The following RUNX2 variants were observed in gnomAD, a reference collection of about 807,000 sequenced individuals.
RUNX2 encodes the protein RUNX family transcription factor 2.
Under a neutral mutation model 51.7 loss-of-function variants are expected in RUNX2, and 10 were observed. That is an observed-to-expected ratio of 0.19 (90% CI 0.12 to 0.33). The LOEUF is 0.33. RUNX2 is among the 10% of genes least tolerant of loss of function. RUNX2 has a pLI of 1.00. For synonymous variants in RUNX2, 276 were observed against 273.6 expected, an observed-to-expected ratio of 1.01 and a Z score of -0.09; for missense variants, 562 against 691.3, an observed-to-expected ratio of 0.81 and a Z score of 2.10.
chr6:45,445,270 C>G (rs563913576), intron 5 of RUNX2, among the ~76,000 whole-genome samples: 1 of 152,092 alleles, frequency 6.6e-6, no homozygotes, highest in Non-Finnish European at 1.5e-5. Context: ...GTGATTCACC[C>G]GCCTCAGCTT....
At chr6:45,468,804 C>A (rs938120877) in intron 5 of RUNX2, among the ~76,000 whole-genome samples, 4 of 152,080 alleles carry the variant, frequency 2.6e-5, no homozygotes, top group Non-Finnish European at 5.9e-5. Flanking sequence ...GCATCATTAG[C>A]CTATGCCCAC....
rs1355737758 is a variant in RUNX2 at position 45,328,331 on chromosome 6, T to C, written c.-196T>C. 3 of 1,375,080 alleles carry C rather than the reference T, an allele frequency of 2.2e-6. No individual in the cohort carries two copies. The highest frequency in any genetic ancestry group is 2.9e-6 in the Non-Finnish European group (3 of 1,027,364). 85.2% of individuals were successfully genotyped at this position (1,375,080 alleles called of 1,614,324 possible). ...TTTTTTGGATTGTGTGAATGCTTCA[T>C]TCGCCTCACAAACAACCACAGAACC... On this transcript the variant is annotated 5_prime_UTR_variant, in exon 1 of 9. Coordinates refer to ENST00000647337, the MANE Select transcript of RUNX2 (RefSeq NM_001024630.4).
chr6:45,459,792 G>A (rs990987759), intron 5 of RUNX2, among the ~76,000 whole-genome samples: 2 of 152,224 alleles, frequency 1.3e-5, no homozygotes, highest in South Asian at 4.1e-4. Flanking sequence ...AGGGGACAGA[G>A]GGAGGGAGGT....
At chr6:45,485,072 C>CT (rs2150402471) in intron 5 of RUNX2, among the ~76,000 whole-genome samples, 1 of 152,246 alleles carries the variant, frequency 6.6e-6, no homozygotes, top group East Asian at 1.9e-4. Context: ...TAGCTCATGT[C>CT]TCCCCAGTTA....
chr6:45,434,315 C>A (rs1314775049), intron 4 of RUNX2, among the ~76,000 whole-genome samples: 1 of 152,206 alleles, frequency 6.6e-6, no homozygotes, highest in African/African-American at 2.4e-5. Flanking sequence ...GATTTTCACA[C>A]TTCTACATTT....
chr6:45,405,603 A>G (rs1226993356), intron 2 of RUNX2, among the ~76,000 whole-genome samples: 2 of 152,204 alleles, frequency 1.3e-5, no homozygotes, highest in African/African-American at 4.8e-5. Context: ...AGCCTGGCCA[A>G]TATGGTGAAA....
chr6:45,459,376 C>T (rs575424951), intron 5 of RUNX2, among the ~76,000 whole-genome samples: 2 of 152,350 alleles, frequency 1.3e-5, no homozygotes, highest in Non-Finnish European at 2.9e-5. Context: ...CTCTACGTTG[C>T]TCACATCAAC....
intron 2 of RUNX2, among the ~76,000 whole-genome samples, chr6:45,356,650 C>G (rs1338487474): frequency 6.6e-6 from 1 of 152,114 alleles, no homozygotes; most frequent in Non-Finnish European, 1.5e-5. Flanking sequence ...AGTGATCTGC[C>G]CACCTCAGCC....
At chr6:45,403,936 G>A (rs1311347279) in intron 2 of RUNX2, among the ~76,000 whole-genome samples, 1 of 152,110 alleles carries the variant, frequency 6.6e-6, no homozygotes, top group Non-Finnish European at 1.5e-5. Context: ...TACCTGATCT[G>A]GGGAAACTCA....
rs140833336 is a variant in RUNX2 at position 45,406,010 on chromosome 6, C to A, written c.59-16583C>A. ...GAGAATAAGAGTTTATATATGTAAACCACTTAGAAAATTCGTTGGTACATA... is the reference window on the plus strand; with the variant it reads ...GAGAATAAGAGTTTATATATGTAAAACACTTAGAAAATTCGTTGGTACATA... On this transcript the variant is annotated intron_variant, in intron 2 of 8. Transcript: ENST00000647337. Among the ~76,000 whole-genome samples, 535 of 152,244 alleles carry A rather than the reference C, an allele frequency of 3.5e-3. 16 individuals carry two copies. Among genetic ancestry groups the A allele is most frequent in the Admixed American group, 0.029 (443 of 15,292 alleles).
intron 5 of RUNX2, among the ~76,000 whole-genome samples, chr6:45,449,500 A>G (rs947408749): frequency 2.0e-5 from 3 of 152,206 alleles, no homozygotes; most frequent in African/African-American, 7.2e-5. Context: ...AAGTCAGCAG[A>G]TGATTTATAG....
At chr6:45,440,276 A>G (rs1798804417) in intron 5 of RUNX2, among the ~76,000 whole-genome samples, 1 of 152,210 alleles carries the variant, frequency 6.6e-6, no homozygotes, top group Non-Finnish European at 1.5e-5. Context: ...GTTCTTGGCC[A>G]TCCTGGGCAT....
At chr6:45,404,316 G>GA (rs113901838) in intron 2 of RUNX2, among the ~76,000 whole-genome samples, 48,362 of 130,240 alleles carry the variant, frequency 0.37, 8,397 homozygotes, top group African/African-American at 0.41. Context: ...AAAGAAAAAA[G>GA]AAAAAAAAGT....
chr6:45,374,098 A>G (rs1353815454), intron 2 of RUNX2, among the ~76,000 whole-genome samples: 3 of 152,194 alleles, frequency 2.0e-5, no homozygotes, highest in Non-Finnish European at 4.4e-5. Context: ...CGGGATGAGG[A>G]TGGGTACTAA....
At chr6:45,437,347 GA>G (rs1313286703) in intron 4 of RUNX2, among the ~76,000 whole-genome samples, 1 of 152,126 alleles carries the variant, frequency 6.6e-6, no homozygotes, top group African/African-American at 2.4e-5. Flanking sequence ...ACAGGGAGGA[GA>G]AAAACTTTGT....
At chr6:45,507,068 A>G in intron 6 of RUNX2, among the ~76,000 whole-genome samples, 1 of 151,522 alleles carries the variant, frequency 6.6e-6, no homozygotes, top group East Asian at 2.0e-4. Context: ...TGGCTGACCT[A>G]TAACTGCAGT....
chr6:45,519,468 T>A (rs1801432347), intron 7 of RUNX2, among the ~76,000 whole-genome samples: 1 of 152,200 alleles, frequency 6.6e-6, no homozygotes, highest in Non-Finnish European at 1.5e-5. Context: ...TAATGCCATG[T>A]GTCCACCATT....
chr6:45,374,833 G>A (rs1037395327), intron 2 of RUNX2, among the ~76,000 whole-genome samples: 3 of 152,162 alleles, frequency 2.0e-5, no homozygotes, highest in Non-Finnish European at 4.4e-5. Context: ...TGGCTTAAAT[G>A]GGAAAGTCAC....
At chr6:45,329,593 A>G (rs534686507) in intron 2 of RUNX2, among the ~76,000 whole-genome samples, 1 of 152,044 alleles carries the variant, frequency 6.6e-6, no homozygotes, top group South Asian at 2.1e-4. Flanking sequence ...TTTTAATCAC[A>G]TTCTTGGACC....
Sources: gnomAD v4.1 joint callset for allele counts (sites outside exome capture counted in the v4.1 genomes callset) on GRCh38, gnomAD v4.1.1 for gene constraint, MANE v1.5 for transcripts, NCBI Gene and HGNC (gene_info 2026-07-23, HGNC 2026-07-21) for gene names.